The following FMN1 variants were observed in gnomAD, a reference collection of about 807,000 sequenced individuals.
FMN1 encodes the protein formin 1.
FMN1 carries 110 observed loss-of-function variants against 132.4 expected under a neutral mutation model. The observed-to-expected ratio is 0.83, with a 90% CI of 0.71 to 0.97. The LOEUF (loss-of-function observed/expected upper bound fraction) is 0.97. FMN1 is among the 50% of genes least tolerant of loss of function. The pLI, the probability that FMN1 is intolerant of heterozygous loss-of-function variation, is 0.00. For synonymous variants in FMN1, 722 were observed against 651.7 expected, an observed-to-expected ratio of 1.11 and a Z score of -1.64; for missense variants, 1,792 against 1,705.3, an observed-to-expected ratio of 1.05 and a Z score of -0.90.
intron 7 of FMN1, among the ~76,000 whole-genome samples, chr15:33,000,283 A>G (rs2034018081): frequency 6.6e-6 from 1 of 152,028 alleles, no homozygotes; most frequent in African/African-American, 2.4e-5. Flanking sequence ...TCCCGTCTCT[A>G]CTAAACATAC....
At chr15:33,053,137 A>C (rs953145242) in intron 6 of FMN1, among the ~76,000 whole-genome samples, 1 of 152,200 alleles carries the variant, frequency 6.6e-6, no homozygotes, top group Non-Finnish European at 1.5e-5. Context: ...CACTGAGTGC[A>C]GGTACTCTGA....
intron 7 of FMN1, among the ~76,000 whole-genome samples, chr15:32,986,311 C>A (rs1000406409): frequency 6.6e-6 from 1 of 152,106 alleles, no homozygotes; most frequent in Non-Finnish European, 1.5e-5. Context: ...TTGAAAACAA[C>A]AGTGAGAACC....
At position 32,972,446 on chromosome 15, in the gene FMN1, C is replaced by T. The variant is rs929242479; in HGVS notation, c.2224-2969G>A. On this transcript the variant is annotated intron_variant, in intron 7 of 20. Transcript: ENST00000616417. ...TCACTTTCACCCAATTACTGGCTTTCATCTCCCCCATCCTATTGAAACTCC... is the reference window on the plus strand; with the variant it reads ...TCACTTTCACCCAATTACTGGCTTTTATCTCCCCCATCCTATTGAAACTCC... 9.2e-5 allele frequency among the ~76,000 whole-genome samples: 14 copies of T among 152,264 alleles called. No homozygotes were observed. The South Asian group carries it at 2.9e-3, about 32-fold the overall frequency.
intron 7 of FMN1, among the ~76,000 whole-genome samples, chr15:33,005,361 T>C (rs952351351): frequency 8.5e-5 from 13 of 152,306 alleles, no homozygotes; most frequent in Admixed American, 6.5e-5. Context: ...AGATGATTTT[T>C]TTACAGATGG....
chr15:32,872,295 T>C (rs757565115), intron 16 of FMN1, among the ~76,000 whole-genome samples: 29 of 152,240 alleles, frequency 1.9e-4, no homozygotes, highest in Non-Finnish European at 4.1e-4. Flanking sequence ...GAAGAACATA[T>C]AGAGCCTATA....
Position 32,790,153 on chromosome 15 carries a change from A to C in FMN1, c.4130+8651T>G, listed in dbSNP as rs972133408. Among the ~76,000 whole-genome samples the C allele has an allele frequency of 7.2e-5, 11 of 152,250 alleles. No individual in the cohort carries two copies. In the South Asian group the frequency reaches 1.4e-3, roughly 20 times the overall value. ...CTCAAAGGAGGAAGCACAGAAAAGA[A>C]GGCAGTTAGGCTGATCCCAGGAATA... On this transcript the variant is annotated intron_variant, in intron 19 of 20. Transcript: ENST00000616417.
At chr15:32,843,525 T>C (rs1381833154) in intron 17 of FMN1, among the ~76,000 whole-genome samples, 13 of 152,228 alleles carry the variant, frequency 8.5e-5, no homozygotes, top group Admixed American at 3.9e-4. Context: ...AGTGCCCTCC[T>C]GGGAAGAAGA....
At chr15:32,950,254 C>T (rs948937385) in intron 9 of FMN1, among the ~76,000 whole-genome samples, 4 of 150,856 alleles carry the variant, frequency 2.7e-5, no homozygotes, top group African/African-American at 7.3e-5. Context: ...TAAATTAGTT[C>T]AACTATTGTG....
chr15:32,967,024 C>T (rs1052609832), intron 8 of FMN1, among the ~76,000 whole-genome samples: 4 of 152,176 alleles, frequency 2.6e-5, no homozygotes, highest in Admixed American at 6.5e-5. Flanking sequence ...GGCAGCCCCC[C>T]GTGTTATGTT....
Position 32,981,126 on chromosome 15 carries a change from T to C in FMN1, c.2224-11649A>G, listed in dbSNP as rs531337667. ...TAAAAGGAAATTTTTTTTCAAAAAATGTTTCCATTTGTAACTATTTTGTAA... is the reference window on the plus strand; with the variant it reads ...TAAAAGGAAATTTTTTTTCAAAAAACGTTTCCATTTGTAACTATTTTGTAA... On this transcript the variant is annotated intron_variant, in intron 7 of 20. Coordinates refer to ENST00000616417, the MANE Select transcript of FMN1 (RefSeq NM_001277313.2). 3.3e-5 allele frequency among the ~76,000 whole-genome samples: 5 copies of C among 152,348 alleles called. No individual in the cohort carries two copies. The South Asian group carries it at 8.3e-4, about 25-fold the overall frequency.
At chr15:33,036,594 T>G (rs34891154) in intron 6 of FMN1, among the ~76,000 whole-genome samples, 2 of 151,980 alleles carry the variant, frequency 1.3e-5, no homozygotes, top group Non-Finnish European at 2.9e-5. Flanking sequence ...AGGGTTCAAA[T>G]AGTATTGACT....
chr15:32,861,227 C>G (rs1244800099), intron 16 of FMN1, among the ~76,000 whole-genome samples: 1 of 152,220 alleles, frequency 6.6e-6, no homozygotes, highest in East Asian at 1.9e-4. Context: ...CTGACAATAA[C>G]TCCTTCAAGG....
intron 4 of FMN1, among the ~76,000 whole-genome samples, chr15:33,146,237 A>C (rs1172381916): frequency 6.6e-6 from 1 of 152,098 alleles, no homozygotes; most frequent in East Asian, 1.9e-4. Flanking sequence ...GCTCTTCAAT[A>C]CTGCAAAACT....
chr15:32,988,520 T>G (rs1407938565), intron 7 of FMN1, among the ~76,000 whole-genome samples: 1 of 152,196 alleles, frequency 6.6e-6, no homozygotes, highest in Non-Finnish European at 1.5e-5. Context: ...ATGGTTTTTC[T>G]GCCCATCACT....
intron 9 of FMN1, among the ~76,000 whole-genome samples, chr15:32,937,767 G>A (rs895007999): frequency 1.3e-5 from 2 of 152,108 alleles, no homozygotes; most frequent in Admixed American, 1.3e-4. Flanking sequence ...CATAATTGGA[G>A]GACAGTACCA....
At chr15:33,076,556 G>C (rs534260226) in intron 5 of FMN1, among the ~76,000 whole-genome samples, 1 of 152,292 alleles carries the variant, frequency 6.6e-6, no homozygotes, top group South Asian at 2.1e-4. Context: ...GATGGGAGGA[G>C]CATGCATGCT....
At chr15:33,170,617 C>A (rs1459154464) in intron 3 of FMN1, among the ~76,000 whole-genome samples, 1 of 149,518 alleles carries the variant, frequency 6.7e-6, no homozygotes, top group Non-Finnish European at 1.5e-5. Context: ...AAAAGACATA[C>A]AAACGCCCAA....
chr15:33,075,226 A>G (rs967642524), intron 5 of FMN1, among the ~76,000 whole-genome samples: 4 of 152,024 alleles, frequency 2.6e-5, no homozygotes, highest in Non-Finnish European at 4.4e-5. Flanking sequence ...GGCCCTCATT[A>G]ATAACCTGCA....
At chr15:32,968,126 A>T (rs964724919) in intron 8 of FMN1, among the ~76,000 whole-genome samples, 1 of 152,226 alleles carries the variant, frequency 6.6e-6, no homozygotes, top group African/African-American at 2.4e-5. Flanking sequence ...GCATCAAGAC[A>T]TAAAGGAAGA....
Sources: gnomAD v4.1 joint callset for allele counts (sites outside exome capture counted in the v4.1 genomes callset) on GRCh38, gnomAD v4.1.1 for gene constraint, MANE v1.5 for transcripts, NCBI Gene and HGNC (gene_info 2026-07-23, HGNC 2026-07-21) for gene names.